Variants in APBA2 observed in about 807,000 individuals in gnomAD.
APBA2 encodes the protein amyloid beta precursor protein binding family A member 2.
APBA2 carries 30 observed loss-of-function variants against 75.0 expected under a neutral mutation model. The ratio of observed to expected loss-of-function variants is 0.40; its 90% CI spans 0.30 to 0.54. APBA2 has a LOEUF of 0.54. Among genes scored for constraint, APBA2 ranks in the 20% least tolerant of loss-of-function variants. APBA2 has a pLI of 0.49. For synonymous variants in APBA2, 444 were observed against 409.6 expected (o/e 1.08, Z -1.01); for missense variants, 801 against 1,016.1 (o/e 0.79, Z 2.88).
intron 1 of APBA2, among the ~76,000 whole-genome samples, chr15:28,905,463 C>G (rs2033086056): frequency 6.6e-6 from 1 of 152,236 alleles, no homozygotes; most frequent in Admixed American, 6.5e-5. Context: ...ACTGAGAAGT[C>G]TTTAATAACT....
intron 3 of APBA2, among the ~76,000 whole-genome samples, chr15:29,006,595 G>C (rs1015805866): frequency 6.6e-6 from 1 of 152,214 alleles, no homozygotes; most frequent in African/African-American, 2.4e-5. Flanking sequence ...TGACAATCAT[G>C]GTTGAAGATG....
intron 2 of APBA2, among the ~76,000 whole-genome samples, chr15:28,923,277 T>C (rs988450924): frequency 6.6e-6 from 1 of 152,128 alleles, no homozygotes; most frequent in Admixed American, 6.5e-5. Context: ...CTCTTATTGC[T>C]TCTTCCTCTG....
intron 2 of APBA2, among the ~76,000 whole-genome samples, chr15:28,944,617 T>C (rs978718798): frequency 6.6e-6 from 1 of 152,200 alleles, no homozygotes; most frequent in Non-Finnish European, 1.5e-5. Flanking sequence ...ACCTGTGCCT[T>C]TTATAACCTG....
chr15:28,910,402 T>C (rs1245781157), intron 1 of APBA2, among the ~76,000 whole-genome samples: 2 of 152,214 alleles, frequency 1.3e-5, no homozygotes, highest in Non-Finnish European at 2.9e-5. Context: ...GATAATGGTA[T>C]CTAGCACAAT....
chr15:28,992,070 T>C (rs1472482879), intron 2 of APBA2, among the ~76,000 whole-genome samples: 2 of 152,284 alleles, frequency 1.3e-5, no homozygotes, highest in African/African-American at 4.8e-5. Flanking sequence ...AGAAAATGCT[T>C]AGGGAGATGG....
intron 4 of APBA2, among the ~76,000 whole-genome samples, chr15:29,072,794 G>A (rs2042682963): frequency 6.6e-6 from 1 of 152,110 alleles, no homozygotes. Flanking sequence ...GCCCCTGTGG[G>A]GCTCAGGGGT....
At chr15:29,057,448 T>A (rs1436293375) in intron 4 of APBA2, among the ~76,000 whole-genome samples, 1 of 152,132 alleles carries the variant, frequency 6.6e-6, no homozygotes, top group African/African-American at 2.4e-5. Context: ...AATAGTAAAA[T>A]AGAGTTAGAA....
intron 3 of APBA2, among the ~76,000 whole-genome samples, chr15:29,019,700 A>G (rs1455819296): frequency 6.6e-6 from 1 of 152,250 alleles, no homozygotes; most frequent in Non-Finnish European, 1.5e-5. Context: ...TAACTGCTGC[A>G]GAGGCTTCCA....
intron 6 of APBA2, among the ~76,000 whole-genome samples, chr15:29,078,472 A>G (rs977387116): frequency 1.3e-5 from 2 of 151,150 alleles, no homozygotes; most frequent in Non-Finnish European, 1.5e-5. Flanking sequence ...TTAGCCAGGC[A>G]TGGTGGCGTG....
At chr15:29,003,415 T>C (rs1313451798) in intron 3 of APBA2, among the ~76,000 whole-genome samples, 2 of 152,240 alleles carry the variant, frequency 1.3e-5, no homozygotes, top group Non-Finnish European at 2.9e-5. Context: ...GGGTTCCTTC[T>C]GTGCATCAAT....
chr15:29,019,066 T>G (rs1186535269), intron 3 of APBA2, among the ~76,000 whole-genome samples: 2 of 152,178 alleles, frequency 1.3e-5, no homozygotes, highest in African/African-American at 4.8e-5. Context: ...GGTTTGCCCC[T>G]AAACCTGCAG....
chr15:29,007,234 A>C (rs1468787480), intron 3 of APBA2, among the ~76,000 whole-genome samples: 3 of 152,224 alleles, frequency 2.0e-5, no homozygotes, highest in African/African-American at 7.2e-5. Flanking sequence ...TACAAAAATC[A>C]ACTCAAAATA....
At position 28,925,459 on chromosome 15, in the gene APBA2, T is replaced by C. The variant is rs1039916200; in HGVS notation, c.-95+3710T>C. On this transcript the variant is annotated intron_variant, in intron 2 of 14. Transcript: ENST00000683413. ...GAATTGGTGTAATTTCTCCCTTAAA[T>C]GTTTGGTAGAATTCACCAGTGAAAT... Among the ~76,000 whole-genome samples, 6 of 152,344 alleles carry C rather than the reference T, an allele frequency of 3.9e-5. No homozygotes were observed. The South Asian group carries it at 1.2e-3, about 32-fold the overall frequency.
intron 4 of APBA2, among the ~76,000 whole-genome samples, chr15:29,059,825 T>G (rs1199508640): frequency 6.6e-6 from 1 of 152,198 alleles, no homozygotes; most frequent in Non-Finnish European, 1.5e-5. Context: ...GCAAATGACT[T>G]TGGGAAACTT....
intron 3 of APBA2, among the ~76,000 whole-genome samples, chr15:29,030,014 T>C (rs911329673): frequency 2.6e-5 from 4 of 152,186 alleles, no homozygotes; most frequent in African/African-American, 9.7e-5. Flanking sequence ...AGCTCTGGGT[T>C]CGAGGCCCAA....
chr15:29,116,362 C>G (rs768675468), intron 14 of APBA2, among the ~76,000 whole-genome samples: 6 of 152,126 alleles, frequency 3.9e-5, no homozygotes, highest in Admixed American at 2.6e-4. Context: ...CGCGGTGGCT[C>G]AGGCCTGTAA....
chr15:29,029,540 T>G (rs532911347), intron 3 of APBA2, among the ~76,000 whole-genome samples: 2 of 152,226 alleles, frequency 1.3e-5, no homozygotes, highest in Non-Finnish European at 2.9e-5. Flanking sequence ...TTTAACTATC[T>G]TTGTAGCAGT....
intron 1 of APBA2, among the ~76,000 whole-genome samples, chr15:28,898,152 G>A (rs764352081): frequency 1.2e-4 from 19 of 152,160 alleles, no homozygotes; most frequent in Non-Finnish European, 2.4e-4. Flanking sequence ...CTTGATTTCA[G>A]CCCAGTGAAA....
chr15:28,939,764 C>T (rs2035083329), intron 2 of APBA2, among the ~76,000 whole-genome samples: 1 of 152,194 alleles, frequency 6.6e-6, no homozygotes, highest in Non-Finnish European at 1.5e-5. Context: ...GGCTGTGCTG[C>T]AGTGCCCCTG....
Sources: gnomAD v4.1 joint callset for allele counts (sites outside exome capture counted in the v4.1 genomes callset) on GRCh38, gnomAD v4.1.1 for gene constraint, MANE v1.5 for transcripts, NCBI Gene and HGNC (gene_info 2026-07-23, HGNC 2026-07-21) for gene names.